Variants in GNAT3 observed in about 807,000 individuals in gnomAD.
GNAT3 encodes the protein G protein subunit alpha transducin 3.
In GNAT3, 31 loss-of-function variants were observed where a neutral mutation model predicts 37.7. That is an observed-to-expected ratio of 0.82 (90% CI 0.62 to 1.11). GNAT3 has a LOEUF of 1.11. Among genes scored for constraint, GNAT3 ranks in the 50% most tolerant of loss-of-function variants. The probability of loss-of-function intolerance (pLI) is 0.00; values close to 1 mark genes in which losing one functional copy is unlikely to be tolerated. For synonymous variants in GNAT3, 138 were observed against 139.8 expected, an observed-to-expected ratio of 0.99 and a Z score of 0.09; for missense variants, 437 against 412.5, an observed-to-expected ratio of 1.06 and a Z score of -0.51.
intron 3 of GNAT3, among the ~76,000 whole-genome samples, chr7:80,480,484 C>T (rs1256785564): frequency 6.6e-6 from 1 of 152,048 alleles, no homozygotes; most frequent in African/African-American, 2.4e-5. Context: ...TCTTGGATCT[C>T]ACACAAGAAA....
chr7:80,463,398 G>A (rs1333704135), intron 5 of GNAT3, among the ~76,000 whole-genome samples: 1 of 152,034 alleles, frequency 6.6e-6, no homozygotes, highest in Non-Finnish European at 1.5e-5. Flanking sequence ...TGATATCAAA[G>A]GAGCTGTTTA....
rs537763633 is a variant in GNAT3 at position 80,503,329 on chromosome 7, T to A, written c.118+8480A>T. Among the ~76,000 whole-genome samples, 15 of 152,326 alleles carry A rather than the reference T, an allele frequency of 9.8e-5. No homozygotes were observed. The South Asian group carries it at 1.2e-3, about 13-fold the overall frequency. Reference sequence around the variant, plus strand: ...CAATAAAGAACAAAAGCAGATATGTTCTTTGTTCTCATAGAAATTAGAATG... The same window carrying A: ...CAATAAAGAACAAAAGCAGATATGTACTTTGTTCTCATAGAAATTAGAATG... On this transcript the variant is annotated intron_variant, in intron 1 of 7. Coordinates refer to ENST00000398291, the MANE Select transcript of GNAT3 (RefSeq NM_001102386.3).
intron 7 of GNAT3, among the ~76,000 whole-genome samples, chr7:80,459,072 C>T (rs549604667): frequency 6.6e-6 from 1 of 152,128 alleles, no homozygotes; most frequent in Non-Finnish European, 1.5e-5. Context: ...CATCAAAAAG[C>T]TCAAAATACA....
chr7:80,505,039 T>G (rs1404314), intron 1 of GNAT3, among the ~76,000 whole-genome samples: 16,561 of 152,042 alleles, frequency 0.11, 968 homozygotes, highest in African/African-American at 0.15. Flanking sequence ...AAAGTAAGAA[T>G]TTACAGAGGG....
chr7:80,467,124 C>T (rs968826814), intron 5 of GNAT3, among the ~76,000 whole-genome samples: 3 of 152,120 alleles, frequency 2.0e-5, no homozygotes, highest in African/African-American at 7.2e-5. Flanking sequence ...CGTACTATGA[C>T]CTTTAGCCCA....
At chr7:80,498,634 G>C (rs1188091950) in intron 1 of GNAT3, among the ~76,000 whole-genome samples, 61 of 152,126 alleles carry the variant, frequency 4.0e-4, no homozygotes, top group Non-Finnish European at 5.9e-5. Flanking sequence ...AGTCTTGTGA[G>C]ATTAGATCAT....
At chr7:80,489,047 C>T (rs1790541832) in intron 2 of GNAT3, among the ~76,000 whole-genome samples, 2 of 152,080 alleles carry the variant, frequency 1.3e-5, no homozygotes, top group Admixed American at 1.3e-4. Flanking sequence ...CTTGTGTTTA[C>T]AACCTGATGT....
At chr7:80,493,601 T>TTTCCTCCTCCTCCTCTTTCCTC (rs1243797094) in intron 2 of GNAT3, among the ~76,000 whole-genome samples, 1 of 121,434 alleles carries the variant, frequency 8.2e-6, no homozygotes, top group Non-Finnish European at 1.8e-5. Context: ...CATCCTCCTC[T>TTTCCTCCTCCTCCTCTTTCCTC]TTCCTCCTCC....
rs140569476 is a variant in GNAT3 at position 80,496,612 on chromosome 7, G to T, written c.119-1965C>A. On this transcript the variant is annotated intron_variant, in intron 1 of 7. Coordinates refer to ENST00000398291, the MANE Select transcript of GNAT3 (RefSeq NM_001102386.3). ...TGCAAAGTAAATTTCACGTTGCAAA[G>T]AATCTCTATCTGCTTTGTTCACTGA... Among the ~76,000 whole-genome samples the T allele has an allele frequency of 6.5e-3, 994 of 152,208 alleles. 5 individuals are homozygous for T. Among genetic ancestry groups the T allele is most frequent in the Non-Finnish European group, 9.7e-3 (659 of 68,018 alleles).
intron 1 of GNAT3, among the ~76,000 whole-genome samples, chr7:80,495,524 C>A (rs751366741): frequency 1.3e-5 from 2 of 151,686 alleles, no homozygotes; most frequent in African/African-American, 4.8e-5. Context: ...GGCTGGAGTG[C>A]AGTGGCGTGA....
chr7:80,478,701 A>C (rs1790343297), intron 4 of GNAT3, 140 bp downstream of exon 4: 1 of 790,358 alleles, frequency 1.3e-6, no homozygotes, highest in Non-Finnish European at 1.9e-6. Context: ...ATTTCTCTTT[A>C]ATTGCTTTTT....
intron 1 of GNAT3, among the ~76,000 whole-genome samples, chr7:80,501,692 T>A (rs2116222978): frequency 6.6e-6 from 1 of 152,024 alleles, no homozygotes; most frequent in East Asian, 1.9e-4. Flanking sequence ...GACATTGGCA[T>A]TTTTCTAAAG....
At chr7:80,493,557 T>A (rs774173183) in intron 2 of GNAT3, among the ~76,000 whole-genome samples, 44 of 152,070 alleles carry the variant, frequency 2.9e-4, no homozygotes, top group Non-Finnish European at 1.5e-4. Flanking sequence ...ACATATAATT[T>A]AAAAATATGC....
At chr7:80,472,340 G>T (rs1379019078) in intron 5 of GNAT3, among the ~76,000 whole-genome samples, 1 of 152,050 alleles carries the variant, frequency 6.6e-6, no homozygotes, top group Non-Finnish European at 1.5e-5. Context: ...TCGCCTTACT[G>T]CCCCAGAAAC....
Sources: allele counts gnomAD v4.1 joint callset (sites outside exome capture counted in the v4.1 genomes callset), GRCh38; gene constraint gnomAD v4.1.1; transcripts MANE v1.5; gene names NCBI Gene and HGNC (gene_info 2026-07-23, HGNC 2026-07-21).